The following PAX5 variants were observed in gnomAD, a reference collection of about 807,000 sequenced individuals.
The protein encoded by PAX5 is paired box protein Pax-5.
A neutral mutation model predicts 43.7 loss-of-function variants in PAX5; 9 were observed. The ratio of observed to expected loss-of-function variants is 0.21; its 90% CI spans 0.12 to 0.36. The LOEUF (loss-of-function observed/expected upper bound fraction) is 0.36, where lower values mean the gene tolerates loss of function less well. PAX5 is among the 10% of genes least tolerant of loss of function. The pLI is 1.00. For missense variants in PAX5, 383 were observed against 532.7 expected (o/e 0.72, Z 2.77); for synonymous variants, 228 against 214.3 (o/e 1.06, Z -0.56).
In PAX5 at chr9:36,927,208, G is replaced by A. The variant is rs1241599617; in HGVS notation, c.781-3724C>T. 7.9e-5 allele frequency among the ~76,000 whole-genome samples: 12 copies of A among 152,236 alleles called. 2 individuals carry two copies. The Middle Eastern group carries it at 0.014, about 173-fold the overall frequency. ...GGGCCAGGCAGCATCCCAGCCAAGAGTCAGCATCCCTGCACCCCTCCCCAG... is the reference window on the plus strand; with the variant it reads ...GGGCCAGGCAGCATCCCAGCCAAGAATCAGCATCCCTGCACCCCTCCCCAG... On this transcript the variant is annotated intron_variant, in intron 6 of 9. Coordinates refer to ENST00000358127, the MANE Select transcript of PAX5 (RefSeq NM_016734.3).
intron 6 of PAX5, among the ~76,000 whole-genome samples, chr9:36,939,621 A>G (rs1314754795): frequency 6.6e-6 from 1 of 152,206 alleles, no homozygotes; most frequent in Non-Finnish European, 1.5e-5. Flanking sequence ...GGAAAATAGC[A>G]TCTGTAATTG....
At chr9:36,908,880 G>A (rs145830409) in intron 7 of PAX5, among the ~76,000 whole-genome samples, 79 of 152,262 alleles carry the variant, frequency 5.2e-4, no homozygotes, top group African/African-American at 1.8e-3. Context: ...AACAACTGGA[G>A]TACTTTCCAC....
chr9:36,922,795 G>A, intron 7 of PAX5: 1 of 153,412 alleles, frequency 6.5e-6, no homozygotes, highest in Non-Finnish European at 1.5e-5. Context: ...CTAGTAAATG[G>A]CATGATCAGA....
In PAX5 at chr9:36,848,350, C is replaced by CCACA. The variant is rs55793420; in HGVS notation, c.1013-1425_1013-1422dup. ...CCTCACAACCACAGGCAGAGCGTGTCCACACACACACACACACACACACAC... is the reference window on the plus strand; with the variant it reads ...CCTCACAACCACAGGCAGAGCGTGTCCACACACACACACACACACACACACACAC... On this transcript the variant is annotated intron_variant, in intron 8 of 9. Transcript: ENST00000358127. Among the ~76,000 whole-genome samples the CCACA allele has an allele frequency of 1.2e-3, 163 of 136,454 alleles. 3 individuals are homozygous for CCACA. Among genetic ancestry groups the CCACA allele is most frequent in the South Asian group, 5.1e-3 (20 of 3,932 alleles). The allele number at this position is 136,454 out of a possible 152,430, so 89.5% of individuals were successfully genotyped here.
At chr9:36,925,682 G>A (rs1830589574) in intron 6 of PAX5, among the ~76,000 whole-genome samples, 1 of 152,220 alleles carries the variant, frequency 6.6e-6, no homozygotes, top group African/African-American at 2.4e-5. Context: ...AAATGTGGAA[G>A]GCAAAGGCAT....
chr9:37,026,056 C>T (rs1446297779), intron 1 of PAX5, among the ~76,000 whole-genome samples: 4 of 152,216 alleles, frequency 2.6e-5, no homozygotes, highest in African/African-American at 9.6e-5. Context: ...AGCTCTCAAC[C>T]TCTTCCTCCA....
chr9:36,858,928 G>A (rs898306660), intron 8 of PAX5, among the ~76,000 whole-genome samples: 4 of 152,144 alleles, frequency 2.6e-5, no homozygotes, highest in Non-Finnish European at 5.9e-5. Flanking sequence ...TACCTTGCTG[G>A]GAAGTCGCAG....
chr9:36,959,878 C>G (rs1833805765), intron 6 of PAX5, among the ~76,000 whole-genome samples: 1 of 152,230 alleles, frequency 6.6e-6, no homozygotes, highest in African/African-American at 2.4e-5. Context: ...CTTGGCTAAG[C>G]CACTGTACTC....
chr9:36,965,902 C>T (rs191796349), intron 6 of PAX5, among the ~76,000 whole-genome samples: 51 of 152,324 alleles, frequency 3.3e-4, no homozygotes, highest in African/African-American at 1.1e-3. Flanking sequence ...GGCCGAGCCT[C>T]GTGATCTCAT....
chr9:36,998,142 T>G lies in PAX5; in HGVS notation c.604+4506A>C, dbSNP rs79578102. Reference sequence around the variant, plus strand: ...TTGCATTCAGCCATAATCTGCCTCCTGCAGCTTCCTTTAACCAGCCCCAGC... The same window carrying G: ...TTGCATTCAGCCATAATCTGCCTCCGGCAGCTTCCTTTAACCAGCCCCAGC... On this transcript the variant is annotated intron_variant, in intron 5 of 9. Transcript: ENST00000358127. Among the ~76,000 whole-genome samples, 460 of 152,332 alleles carry G rather than the reference T, an allele frequency of 3.0e-3. 2 individuals are homozygous for G. The highest frequency in any genetic ancestry group is 0.011 in the African/African-American group (442 of 41,580).
intron 6 of PAX5, among the ~76,000 whole-genome samples, chr9:36,930,197 A>G (rs1014617567): frequency 6.7e-6 from 1 of 149,336 alleles, no homozygotes; most frequent in African/African-American, 2.5e-5. Flanking sequence ...ACTGAGGTAC[A>G]GGGATAGGGA....
At chr9:36,848,991 GT>G (rs1339514484) in intron 8 of PAX5, among the ~76,000 whole-genome samples, 1 of 152,188 alleles carries the variant, frequency 6.6e-6, no homozygotes, top group Non-Finnish European at 1.5e-5. Flanking sequence ...TAGCCTTACA[GT>G]GGTGAATGTA....
intron 6 of PAX5, among the ~76,000 whole-genome samples, chr9:36,926,704 A>G (rs547620353): frequency 6.6e-5 from 10 of 152,330 alleles, no homozygotes; most frequent in African/African-American, 2.2e-4. Flanking sequence ...CCCCAGGGGT[A>G]GGTCCCAGTT....
intron 8 of PAX5, among the ~76,000 whole-genome samples, chr9:36,881,621 T>G (rs1826419181): frequency 6.6e-6 from 1 of 151,182 alleles, no homozygotes; most frequent in Admixed American, 6.6e-5. Context: ...GCCTTCTGCT[T>G]GTTCGTGTCA....
chr9:37,027,350 C>A (rs1413779340), intron 1 of PAX5, among the ~76,000 whole-genome samples: 1 of 152,226 alleles, frequency 6.6e-6, no homozygotes, highest in African/African-American at 2.4e-5. Flanking sequence ...ATCGCTGGGA[C>A]CAGGAACGGG....
Position 36,838,979 on chromosome 9 carries a change from A to G in PAX5, c.*1581T>C. On this transcript the variant is annotated 3_prime_UTR_variant, in exon 10 of 10. Transcript: ENST00000358127. Reference sequence around the variant, plus strand: ...CTGGTGACATACAGATATGGGGGACATTGTCACCTAAGAAGGCCAAGCCCC... The same window carrying G: ...CTGGTGACATACAGATATGGGGGACGTTGTCACCTAAGAAGGCCAAGCCCC... The G allele has an allele frequency of 4.3e-6, 1 of 233,314 alleles. No individual in the cohort carries two copies. The highest frequency in any genetic ancestry group is 8.5e-6 in the Non-Finnish European group (1 of 118,096). The allele number at this position is 233,314 out of a possible 1,614,324, so 14.5% of individuals were successfully genotyped here. A position where few individuals can be genotyped will look rare whatever the true frequency, so the allele number is the denominator to read the frequency against.
intron 6 of PAX5, among the ~76,000 whole-genome samples, chr9:36,956,569 T>C (rs1481401079): frequency 6.6e-6 from 1 of 152,200 alleles, no homozygotes; most frequent in Non-Finnish European, 1.5e-5. Flanking sequence ...TATGGCAATT[T>C]GCCCAGTATT....
At chr9:36,998,173 C>G (rs1456293586) in intron 5 of PAX5, among the ~76,000 whole-genome samples, 1 of 152,208 alleles carries the variant, frequency 6.6e-6, no homozygotes, top group East Asian at 1.9e-4. Context: ...CCAGCTCTTC[C>G]TCCAGAGGCC....
chr9:36,985,742 T>A (rs949043152), intron 5 of PAX5, among the ~76,000 whole-genome samples: 1 of 152,086 alleles, frequency 6.6e-6, no homozygotes, highest in African/African-American at 2.4e-5. Context: ...AAAGCACACG[T>A]GGCAGGGTCA....
Sources: gnomAD v4.1 joint callset for allele counts (sites outside exome capture counted in the v4.1 genomes callset) on GRCh38, gnomAD v4.1.1 for gene constraint, MANE v1.5 for transcripts, NCBI Gene and HGNC (gene_info 2026-07-23, HGNC 2026-07-21) for gene names.